The following IQGAP2 variants were observed in gnomAD, a reference collection of about 807,000 sequenced individuals.
The protein encoded by IQGAP2 is IQ motif containing GTPase activating protein 2, also known as ras GTPase-activating-like protein IQGAP2.
In IQGAP2, 173 loss-of-function variants were observed where a neutral mutation model predicts 201.3. That is an observed-to-expected ratio of 0.86 (90% CI 0.76 to 0.98). The LOEUF is 0.98. Among genes scored for constraint, IQGAP2 ranks in the 50% least tolerant of loss-of-function variants. The pLI, the probability that IQGAP2 is intolerant of heterozygous loss-of-function variation, is 0.00. For missense variants in IQGAP2, 1,687 were observed against 1,864.8 expected (o/e 0.90, Z 1.76); for synonymous variants, 675 against 673.9 (o/e 1.00, Z -0.03).
chr5:76,685,792 C>T (rs1745685739), intron 30 of IQGAP2, among the ~76,000 whole-genome samples: 5 of 152,176 alleles, frequency 3.3e-5, no homozygotes, highest in Admixed American at 6.5e-5. Flanking sequence ...TGGTAAAATA[C>T]ACATAAAACT....
chr5:76,664,071 A>G (rs941634174), intron 21 of IQGAP2, among the ~76,000 whole-genome samples: 5 of 152,168 alleles, frequency 3.3e-5, no homozygotes, highest in Non-Finnish European at 5.9e-5. Flanking sequence ...TTTTCTTTGC[A>G]TTCATGACTT....
At chr5:76,433,889 A>G (rs1463616506) in intron 1 of IQGAP2, among the ~76,000 whole-genome samples, 1 of 152,208 alleles carries the variant, frequency 6.6e-6, no homozygotes, top group African/African-American at 2.4e-5. Flanking sequence ...AAGAAACCCT[A>G]GGGAAAAGTT....
chr5:76,575,580 A>G (rs1380027155), intron 4 of IQGAP2, 113 bp from the exon 5 acceptor site: 11 of 529,776 alleles, frequency 2.1e-5, no homozygotes, highest in South Asian at 1.1e-4. Flanking sequence ...AGGTTCCTCT[A>G]TATTTAAATA....
intron 1 of IQGAP2, among the ~76,000 whole-genome samples, chr5:76,412,741 T>C (rs950463643): frequency 1.3e-5 from 2 of 152,174 alleles, no homozygotes; most frequent in African/African-American, 4.8e-5. Context: ...ATGAGGAATT[T>C]ATTGTCTGTC....
chr5:76,523,140 AGTGGTG>A (rs1758788516), intron 2 of IQGAP2, among the ~76,000 whole-genome samples: 1 of 131,208 alleles, frequency 7.6e-6, no homozygotes. Context: ...GCTGGAATGC[AGTGGTG>A]TGATCATGGC....
intron 12 of IQGAP2, chr5:76,606,855 G>A (rs1747843083): frequency 6.6e-6 from 1 of 152,190 alleles, no homozygotes; most frequent in Non-Finnish European, 1.5e-5. Context: ...TTTATCATTT[G>A]CATCTTGCTT....
intron 16 of IQGAP2, 43 bp from the exon 17 acceptor site, chr5:76,640,890 A>G: frequency 7.1e-7 from 1 of 1,400,882 alleles, no homozygotes; most frequent in Non-Finnish European, 9.8e-7. Context: ...TGTGCCTTTC[A>G]GCTGATGTGT....
intron 20 of IQGAP2, among the ~76,000 whole-genome samples, chr5:76,657,931 G>A (rs2150444487): frequency 6.6e-6 from 1 of 152,220 alleles, no homozygotes; most frequent in African/African-American, 2.4e-5. Flanking sequence ...TTATCATTCT[G>A]TTGGTTCCTG....
chr5:76,533,790 G>A (rs1195462263), intron 2 of IQGAP2, among the ~76,000 whole-genome samples: 1 of 152,108 alleles, frequency 6.6e-6, no homozygotes, highest in African/African-American at 2.4e-5. Context: ...CGCCTGCTTC[G>A]GCCTCCCAAA....
chr5:76,446,605 A>G (rs895406841), intron 1 of IQGAP2, among the ~76,000 whole-genome samples: 7 of 151,634 alleles, frequency 4.6e-5, no homozygotes, highest in African/African-American at 1.7e-4. Flanking sequence ...TTGATCTAAT[A>G]CTCCCACCCC....
intron 2 of IQGAP2, among the ~76,000 whole-genome samples, chr5:76,541,652 TA>T (rs1352389383): frequency 3.9e-5 from 6 of 152,042 alleles, no homozygotes; most frequent in Non-Finnish European, 7.4e-5. Context: ...TAACAGTTCA[TA>T]AGTGTTTCAA....
At chr5:76,623,029 C>CT (rs1749860146) in intron 13 of IQGAP2, 1 of 773,268 alleles carries the variant, frequency 1.3e-6, no homozygotes, top group Non-Finnish European at 2.2e-6. Context: ...TTCCATGATT[C>CT]TACCTTTTAA....
chr5:76,412,945 C>T (rs1240077614), intron 1 of IQGAP2, among the ~76,000 whole-genome samples: 4 of 152,084 alleles, frequency 2.6e-5, no homozygotes, highest in Admixed American at 6.6e-5. Context: ...AACGTACATG[C>T]TCAAAGTGTG....
At chr5:76,455,162 T>C (rs1399467046) in intron 1 of IQGAP2, among the ~76,000 whole-genome samples, 1 of 152,002 alleles carries the variant, frequency 6.6e-6, no homozygotes, top group Non-Finnish European at 1.5e-5. Context: ...TAAAAACAAA[T>C]GAACAGTCTG....
chr5:76,452,203 C>A (rs1753801226), intron 1 of IQGAP2, among the ~76,000 whole-genome samples: 1 of 148,118 alleles, frequency 6.8e-6, no homozygotes, highest in Non-Finnish European at 1.5e-5. Flanking sequence ...GCGTGAGCCA[C>A]CACGCCCAGC....
intron 3 of IQGAP2, among the ~76,000 whole-genome samples, chr5:76,564,735 G>C (rs940583209): frequency 2.6e-5 from 4 of 152,208 alleles, no homozygotes; most frequent in Non-Finnish European, 5.9e-5. Flanking sequence ...GCGTAGGCAG[G>C]TGATGACATA....
At position 76,644,122 on chromosome 5, in the gene IQGAP2, T is replaced by C. The variant is rs117514566; in HGVS notation, c.2094+3019T>C. Reference sequence around the variant, plus strand: ...AGAGTAATAGTTAAAGTCTATAAAATAGAGCAATGACCTCTGAGGTCTAAG... The same window carrying C: ...AGAGTAATAGTTAAAGTCTATAAAACAGAGCAATGACCTCTGAGGTCTAAG... On this transcript the variant is annotated intron_variant, in intron 17 of 35. Coordinates refer to ENST00000274364, the MANE Select transcript of IQGAP2 (RefSeq NM_006633.5). Among the ~76,000 whole-genome samples the C allele has an allele frequency of 5.7e-4, 86 of 152,038 alleles. 1 individual carries two copies. The East Asian group carries it at 0.016, about 29-fold the overall frequency.
In IQGAP2 at chr5:76,695,678, C is replaced by G; in HGVS notation, c.4206+12C>G. The G allele has an allele frequency of 1.2e-5, 20 of 1,604,838 alleles. No homozygotes were observed. The highest frequency in any genetic ancestry group is 1.7e-5 in the Non-Finnish European group (20 of 1,171,864). On this transcript the variant is annotated intron_variant, in intron 32 of 35. Transcript: ENST00000274364. ...ATGAGATTGCCAAGGTTTTTGGAAA[C>G]AGTATTCTTTCTTCCTTCACTTAGC...
rs752667143 is a variant in IQGAP2, at chr5:76,640,980, G to T, written c.1971G>T (p.Trp657Cys). 1.7e-5 allele frequency: 28 copies of T among 1,607,426 alleles called. No individual in the cohort carries two copies. Among genetic ancestry groups the T allele is most frequent in the Non-Finnish European group, 2.4e-5 (28 of 1,174,518 alleles). ...VTVGYIRENIWSASEELLLRF... is the reference protein window; with the variant it reads ...VTVGYIRENICSASEELLLRF... Reference sequence around the variant, plus strand: ...TAGGTTACATTCGTGAGAATATATGGTCTGCTTCAGAAGAGTTGCTTCTTC... The same window carrying T: ...TAGGTTACATTCGTGAGAATATATGTTCTGCTTCAGAAGAGTTGCTTCTTC... The change falls in exon 17 of 36, where the codon TGG becomes TGT. Residue 657 changes from tryptophan (W) to cysteine (C), a missense_variant. Trp to Cys is a radical substitution (Grantham distance 215). Coordinates refer to ENST00000274364, the MANE Select transcript of IQGAP2 (RefSeq NM_006633.5).
Sources: allele counts gnomAD v4.1 joint callset (sites outside exome capture counted in the v4.1 genomes callset), GRCh38; gene constraint gnomAD v4.1.1; transcripts MANE v1.5; gene names NCBI Gene and HGNC (gene_info 2026-07-23, HGNC 2026-07-21).